Variants in KCNN4 observed in about 807,000 individuals in gnomAD.
KCNN4 encodes the protein intermediate conductance calcium-activated potassium channel protein 4.
A neutral mutation model predicts 45.2 loss-of-function variants in KCNN4; 31 were observed. The ratio of observed to expected loss-of-function variants is 0.69; its 90% confidence interval spans 0.52 to 0.92. The LOEUF (loss-of-function observed/expected upper bound fraction) is 0.92, where lower values mean the gene tolerates loss of function less well. Ranked by LOEUF, KCNN4 falls within the 40% of genes least tolerant of loss-of-function variation. The probability of loss-of-function intolerance (pLI) is 0.00; values close to 1 mark genes in which losing one functional copy is unlikely to be tolerated. For synonymous variants in KCNN4, 231 were observed against 254.6 expected, an observed-to-expected ratio of 0.91 and a Z score of 0.88; for missense variants, 463 against 574.0, an observed-to-expected ratio of 0.81 and a Z score of 1.98.
chr19:43,777,948 AC>A (rs747533315), intron 1 of KCNN4, among the ~76,000 whole-genome samples: 2 of 151,908 alleles, frequency 1.3e-5, no homozygotes, highest in Non-Finnish European at 2.9e-5. Flanking sequence ...CTGCTCCCCA[AC>A]CCCCTATCAG....
chr19:43,767,186 TG>T (rs1969501987), intron 8 of KCNN4, 97 bp from the exon 9 acceptor site: 1 of 241,408 alleles, frequency 4.1e-6, no homozygotes, highest in Non-Finnish European at 8.4e-6. Context: ...TGGGCAGAAG[TG>T]GGAGACAGGG....
At chr19:43,767,328 C>A (rs1969507465) in intron 8 of KCNN4, 2 of 583,042 alleles carry the variant, frequency 3.4e-6, no homozygotes, top group Non-Finnish European at 6.0e-6. Flanking sequence ...GGGAGAAGGC[C>A]ATCAAGGGTC....
chr19:43,767,798 A>AATAT, intron 7 of KCNN4, 91 bp from the exon 8 acceptor site: 1 of 1,460,984 alleles, frequency 6.8e-7, no homozygotes, highest in Non-Finnish European at 9.5e-7. Flanking sequence ...TATTGACCAC[A>AATAT]TCCTTATGGT....
chr19:43,767,967 T>C (rs1969529802), intron 7 of KCNN4, among the ~76,000 whole-genome samples: 2 of 152,158 alleles, frequency 1.3e-5, no homozygotes, highest in South Asian at 4.1e-4. Flanking sequence ...GAAACAGGCA[T>C]GGAACAGTTA....
At chr19:43,775,374 C>T (rs947987483) in intron 2 of KCNN4, among the ~76,000 whole-genome samples, 4 of 152,126 alleles carry the variant, frequency 2.6e-5, no homozygotes, top group Admixed American at 2.6e-4. Flanking sequence ...GTACTGGGCA[C>T]CGTGGATACG....
chr19:43,773,290 A>G (rs1190595370), intron 3 of KCNN4, among the ~76,000 whole-genome samples: 1 of 152,250 alleles, frequency 6.6e-6, no homozygotes, highest in Non-Finnish European at 1.5e-5. Context: ...GAGACTCCAG[A>G]TCAAAAAACA....
At chr19:43,779,762 C>G (rs560059484) in intron 1 of KCNN4, among the ~76,000 whole-genome samples, 1 of 152,180 alleles carries the variant, frequency 6.6e-6, no homozygotes, top group African/African-American at 2.4e-5. Flanking sequence ...CAAAAGCAAT[C>G]AAAACCCCCT....
Position 43,769,428 on chromosome 19 carries a change from A to C in KCNN4, c.1049+14T>G. ...GGTGCACATGGACACGTGTGCATAC[A>C]AAGCGGCCCTCACGCGTTGATGGCG... On this transcript the variant is annotated intron_variant, in intron 6 of 8. Transcript: ENST00000648319. This position sits in a 1 kb window ranked among gnomAD's most constrained non-coding sequence, Gnocchi z 4.4. 1 of 1,607,332 alleles carries C rather than the reference A, an allele frequency of 6.2e-7. No homozygotes were observed. The highest frequency in any genetic ancestry group is 8.5e-7 in the Non-Finnish European group (1 of 1,174,100).
intron 4 of KCNN4, 135 bp downstream of exon 4, chr19:43,771,865 G>A: frequency 9.3e-7 from 1 of 1,079,178 alleles, no homozygotes; most frequent in East Asian, 2.7e-5. Context: ...ATGGGGCTCT[G>A]GGGGCCCCAG....
intron 3 of KCNN4, among the ~76,000 whole-genome samples, chr19:43,773,299 C>G (rs947407401): frequency 1.3e-5 from 2 of 152,232 alleles, no homozygotes; most frequent in Non-Finnish European, 2.9e-5. Context: ...GATCAAAAAA[C>G]AAGAACTGCC....
At chr19:43,770,958 G>A (rs1969626776) in intron 4 of KCNN4, among the ~76,000 whole-genome samples, 1 of 152,162 alleles carries the variant, frequency 6.6e-6, no homozygotes, top group Non-Finnish European at 1.5e-5. Flanking sequence ...TCACCACTGG[G>A]GGAGTGGAGG....
chr19:43,780,948 G>T lies in KCNN4; in HGVS notation c.-87C>A. The T allele has an allele frequency of 7.2e-7, 1 of 1,382,376 alleles. No homozygotes were observed. The allele number at this position is 1,382,376 out of a possible 1,614,324, so 85.6% of individuals were successfully genotyped here. A position where few individuals can be genotyped will look rare whatever the true frequency, so the allele number is the denominator to read the frequency against. On this transcript the variant is annotated 5_prime_UTR_variant, in exon 1 of 9. It adds an upstream start codon to the 5' untranslated region. Coordinates refer to ENST00000648319, the MANE Select transcript of KCNN4 (RefSeq NM_002250.3). Reference sequence around the variant, plus strand: ...CACAGGGCAGCCACTGTGGCTTGCAGGTCGTCAGCCTGCTCTGCTGGCTCT... The same window carrying T: ...CACAGGGCAGCCACTGTGGCTTGCATGTCGTCAGCCTGCTCTGCTGGCTCT...
intron 8 of KCNN4, 200 bp from the exon 9 acceptor site, chr19:43,767,289 CAGAGAG>C: frequency 4.2e-6 from 2 of 476,122 alleles, no homozygotes; most frequent in South Asian, 2.9e-5. Flanking sequence ...CCAGGACAGG[CAGAGAG>C]AGAGAGAGAG....
Position 43,780,932 on chromosome 19 carries a change from GC to G in KCNN4, c.-72del. The G allele has an allele frequency of 6.7e-7, 1 of 1,501,964 alleles. No individual in the cohort carries two copies. The highest frequency in any genetic ancestry group is 1.7e-5 in the Admixed American group (1 of 57,650). 93.0% of individuals were successfully genotyped at this position (1,501,964 alleles called of 1,614,324 possible). ...CCCACCTCGCAGCACGCACAGGGCA[GC>G]CACTGTGGCTTGCAGGTCGTCAGCC... On this transcript the variant is annotated 5_prime_UTR_variant, in exon 1 of 9. Transcript: ENST00000648319.
In KCNN4 at chr19:43,776,673, A is replaced by G. The variant is rs201622489; in HGVS notation, c.160-37T>C. On this transcript the variant is annotated intron_variant, in intron 1 of 8. Transcript: ENST00000648319. Reference sequence around the variant, plus strand: ...GACGGAAAAAGCGGTGTGAGATCCCAGGTCTCCCTCCGCCTGGCCCTCCAC... The same window carrying G: ...GACGGAAAAAGCGGTGTGAGATCCCGGGTCTCCCTCCGCCTGGCCCTCCAC... 161 of 1,408,576 alleles carry G rather than the reference A, an allele frequency of 1.1e-4. 1 individual carries two copies. The highest frequency in any genetic ancestry group is 1.5e-4 in the Non-Finnish European group (152 of 993,508). 87.3% of individuals were successfully genotyped at this position (1,408,576 alleles called of 1,614,324 possible).
In KCNN4 at chr19:43,780,743, A is replaced by G. The variant is rs141512311; in HGVS notation, c.119T>C (p.Met40Thr). The change falls in exon 1 of 9, where the codon ATG becomes ACG. Residue 40 changes from methionine to threonine, a missense_variant. Around this residue, in one of 3 missense-constraint regions of KCNN4, gnomAD observed 225 missense variants for 240.9 expected, o/e 0.93. Transcript: ENST00000648319. ...LVLAGTGIGL[M>T]VLHAEMLWFG... is the part of the protein sequence containing the mutation. Reference sequence around the variant, plus strand: ...CCACAGCATCTCTGCATGCAGCACCATGAGTCCAATGCCAGTTCCTGCCAG... The same window carrying G: ...CCACAGCATCTCTGCATGCAGCACCGTGAGTCCAATGCCAGTTCCTGCCAG... 8 of 1,612,852 alleles carry G rather than the reference A, an allele frequency of 5.0e-6. No individual in the cohort carries two copies. The African/African-American group carries it at 1.1e-4, about 22-fold the overall frequency.
chr19:43,771,080 C>T (rs1002600062), intron 4 of KCNN4, among the ~76,000 whole-genome samples: 3 of 152,030 alleles, frequency 2.0e-5, no homozygotes, highest in African/African-American at 4.8e-5. Context: ...GAGGGGAACC[C>T]GATCTTGTAG....
At chr19:43,771,870 C>A (rs1969653552) in intron 4 of KCNN4, 130 bp downstream of exon 4, 8 of 1,165,272 alleles carry the variant, frequency 6.9e-6, no homozygotes, top group Non-Finnish European at 9.5e-6. Flanking sequence ...GCTCTGGGGG[C>A]CCCAGACACT....
At chr19:43,768,748 T>C (rs1969551076) in intron 7 of KCNN4, among the ~76,000 whole-genome samples, 1 of 152,218 alleles carries the variant, frequency 6.6e-6, no homozygotes, top group Admixed American at 6.5e-5. Flanking sequence ...CAATTTTTTT[T>C]TTTTCAGTTT....
Sources: allele counts gnomAD v4.1 joint callset (sites outside exome capture counted in the v4.1 genomes callset), GRCh38; gene constraint gnomAD v4.1.1; regional missense constraint gnomAD v4.1.1; non-coding constraint Gnocchi (gnomAD v3.1); transcripts MANE v1.5; gene names NCBI Gene and HGNC (gene_info 2026-07-23, HGNC 2026-07-21).